Variants in SASH1 observed in about 807,000 individuals in gnomAD.
SASH1 encodes the protein SAM and SH3 domain containing 1, also known as SAM and SH3 domain-containing protein 1.
A neutral mutation model predicts 125.2 loss-of-function variants in SASH1; 44 were observed. The observed-to-expected ratio is 0.35, with a 90% confidence interval of 0.28 to 0.45. The LOEUF (loss-of-function observed/expected upper bound fraction) is 0.45. SASH1 is among the 20% of genes least tolerant of loss of function. The pLI, the probability that SASH1 is intolerant of heterozygous loss-of-function variation, is 1.00. For synonymous variants in SASH1, 639 were observed against 649.1 expected (o/e 0.98, Z 0.24); for missense variants, 1,426 against 1,614.5 (o/e 0.88, Z 2.00).
At chr6:148,354,042 G>C (rs973890979) in intron 1 of SASH1, among the ~76,000 whole-genome samples, 14 of 152,092 alleles carry the variant, frequency 9.2e-5, no homozygotes, top group Admixed American at 3.9e-4. Flanking sequence ...GCATGGACCT[G>C]TAGTCCCAGC....
In SASH1 at chr6:148,468,571, A is replaced by G. The variant is rs755561384; in HGVS notation, c.413A>G (p.Glu138Gly). ...AACCCTCTTCATAAATCAAACTCAG[A>G]AGACAGCTCTGTAGGTCAGTACCAC... ...RKNPLHKSNS[E>G]DSSVGKGDWK... Residue 138 changes from glutamate to glycine, a missense_variant, in exon 5 of 20, where the codon GAA becomes GGA. Physicochemically the swap from Glu to Gly is moderately conservative, Grantham distance 98. Coordinates refer to ENST00000367467, the MANE Select transcript of SASH1 (RefSeq NM_015278.5). 2.5e-6 allele frequency: 4 copies of G among 1,608,304 alleles called. No individual in the cohort carries two copies. Among genetic ancestry groups the G allele is most frequent in the Non-Finnish European group, 3.4e-6 (4 of 1,175,548 alleles).
Position 148,328,087 on chromosome 6 carries a change from G to T in SASH1, n.74+55710G>T, listed in dbSNP as rs183838423. Among the ~76,000 whole-genome samples, 523 of 152,230 alleles carry T rather than the reference G, an allele frequency of 3.4e-3. 3 individuals are homozygous for T. Among genetic ancestry groups the T allele is most frequent in the African/African-American group, 0.012 (496 of 41,550 alleles). Reference sequence around the variant, plus strand: ...ACTTTGTTGCCTAGGCTGAAGTGCGGTGACTACTCACACATGCGATTAGAG... The same window carrying T: ...ACTTTGTTGCCTAGGCTGAAGTGCGTTGACTACTCACACATGCGATTAGAG... On this transcript the variant is annotated intron_variant and non_coding_transcript_variant, in intron 1 of 3. Transcript: ENST00000367469.
chr6:148,305,690 C>T (rs1780111024), intron 1 of SASH1, among the ~76,000 whole-genome samples: 1 of 150,542 alleles, frequency 6.6e-6, no homozygotes, highest in Non-Finnish European at 1.5e-5. Flanking sequence ...AGTCAGGATT[C>T]AGCATTTAAA....
chr6:148,233,479 G>A, the SASH1 span, among the ~76,000 whole-genome samples: 2 of 151,926 alleles, frequency 1.3e-5, no homozygotes, highest in South Asian at 2.1e-4. Context: ...TGTATATTGT[G>A]TATGTACTAT....
intron 1 of SASH1, among the ~76,000 whole-genome samples, chr6:148,286,663 C>T (rs1327093928): frequency 1.3e-5 from 2 of 152,110 alleles, no homozygotes; most frequent in African/African-American, 4.8e-5. Context: ...TATGTCCTAA[C>T]CCCCTCCTCT....
At chr6:148,462,467 C>T (rs932614047) in intron 4 of SASH1, among the ~76,000 whole-genome samples, 5 of 152,124 alleles carry the variant, frequency 3.3e-5, no homozygotes, top group African/African-American at 4.8e-5. Flanking sequence ...CTGGATGTAG[C>T]TTAGACTATT....
chr6:148,355,706 ACATT>A (rs1003442535), intron 1 of SASH1, among the ~76,000 whole-genome samples: 2 of 152,178 alleles, frequency 1.3e-5, no homozygotes, highest in African/African-American at 4.8e-5. Context: ...TAGAATGAAC[ACATT>A]CCTTAAACCT....
intron 1 of SASH1, among the ~76,000 whole-genome samples, chr6:148,288,361 A>G (rs928318593): frequency 1.3e-5 from 2 of 152,254 alleles, no homozygotes; most frequent in Admixed American, 1.3e-4. Flanking sequence ...TGGCAGAAAC[A>G]CAGGCTGTCT....
Position 148,445,654 on chromosome 6 carries a change from G to A in SASH1, c.386+5247G>A, listed in dbSNP as rs758480922. Among the ~76,000 whole-genome samples the A allele has an allele frequency of 7.9e-5, 12 of 151,842 alleles. No homozygotes were observed. The South Asian group carries it at 1.0e-3, about 13-fold the overall frequency. Reference sequence around the variant, plus strand: ...TTTTTCTTCTTTCTTTTTCTTTCCCGTCATAGCCTCAAAGTGGCTGCTGCA... The same window carrying A: ...TTTTTCTTCTTTCTTTTTCTTTCCCATCATAGCCTCAAAGTGGCTGCTGCA... On this transcript the variant is annotated intron_variant, in intron 4 of 19. Transcript: ENST00000367467.
chr6:148,522,416 T>C (rs1288339497), intron 10 of SASH1, among the ~76,000 whole-genome samples: 1 of 152,244 alleles, frequency 6.6e-6, no homozygotes, highest in African/African-American at 2.4e-5. Context: ...ATTCTCCTTG[T>C]CATATTTCTT....
chr6:148,220,786 C>T, the SASH1 span, among the ~76,000 whole-genome samples: 9,973 of 152,126 alleles, frequency 0.066, 434 homozygotes, highest in Non-Finnish European at 0.091. Flanking sequence ...TGGTGGCACG[C>T]GCCTGTAGTC....
Position 148,392,441 on chromosome 6 carries a change from T to C in SASH1, c.285+2179T>C, listed in dbSNP as rs78193609. Among the ~76,000 whole-genome samples the C allele has an allele frequency of 4.6e-5, 7 of 152,276 alleles. No homozygotes were observed. In the East Asian group the frequency reaches 1.4e-3, roughly 29 times the overall value. Reference sequence around the variant, plus strand: ...AACTAAGTAGGAACAGATAATTCTTTTGTTAATAATTATTTTTATGTTACA... The same window carrying C: ...AACTAAGTAGGAACAGATAATTCTTCTGTTAATAATTATTTTTATGTTACA... On this transcript the variant is annotated intron_variant, in intron 2 of 19. Coordinates refer to ENST00000367467, the MANE Select transcript of SASH1 (RefSeq NM_015278.5).
chr6:148,475,523 C>T (rs1036197586), intron 7 of SASH1, among the ~76,000 whole-genome samples: 1 of 152,156 alleles, frequency 6.6e-6, no homozygotes, highest in Non-Finnish European at 1.5e-5. Context: ...TTGATAATGA[C>T]GGTAATGCTA....
At chr6:148,213,739 A>G in the SASH1 span, among the ~76,000 whole-genome samples, 1 of 152,048 alleles carries the variant, frequency 6.6e-6, no homozygotes, top group African/African-American at 2.4e-5. Flanking sequence ...TCTGGTCTGT[A>G]TGTGCTTGGA....
chr6:148,537,263 G>A (rs1261812056), intron 16 of SASH1, among the ~76,000 whole-genome samples: 2 of 152,240 alleles, frequency 1.3e-5, no homozygotes, highest in East Asian at 1.9e-4. Context: ...AGTCAGACCC[G>A]TCCAGCCTCC....
At position 148,390,228 on chromosome 6, in the gene SASH1, T is replaced by C; in HGVS notation, c.251T>C (p.Leu84Pro). The C allele has an allele frequency of 6.2e-7, 1 of 1,612,612 alleles. No individual in the cohort carries two copies. Among genetic ancestry groups the C allele is most frequent in the Non-Finnish European group, 8.5e-7 (1 of 1,179,616 alleles). Reference sequence around the variant, plus strand: ...GACGTGTGCGAGAGGATGGAGGAGCTGCGGAAACGGCGGGTTTCCCAGGAC... The same window carrying C: ...GACGTGTGCGAGAGGATGGAGGAGCCGCGGAAACGGCGGGTTTCCCAGGAC... ...FSDVCERMEE[L>P]RKRRVSQDLE... Residue 84 changes from leucine (L) to proline (P), a missense_variant, in exon 2 of 20, where the codon CTG becomes CCG. Leu to Pro is a moderately conservative substitution (Grantham distance 98, BLOSUM62 -3). Transcript: ENST00000367467.
At chr6:148,521,909 A>G (rs7740213) in intron 10 of SASH1, among the ~76,000 whole-genome samples, 5,827 of 152,288 alleles carry the variant, frequency 0.038, 366 homozygotes, top group African/African-American at 0.13. Flanking sequence ...AAATTTCCCA[A>G]TCTGAGCACC....
At chr6:148,431,769 A>T in intron 2 of SASH1, among the ~76,000 whole-genome samples, 1 of 150,206 alleles carries the variant, frequency 6.7e-6, no homozygotes, top group African/African-American at 2.5e-5. Flanking sequence ...CAACGCTTGG[A>T]CTCCCAGAAC....
Position 148,544,837 on chromosome 6 carries a change from C to G in SASH1, c.3348+19C>G. ...TGATAAGGTATCAAAGGTCCTGGGC[C>G]CACCACGTTCACAGGCCTTTGTTTG... On this transcript the variant is annotated intron_variant, in intron 18 of 19. Transcript: ENST00000367467. This position sits in a 1 kb window ranked among gnomAD's most constrained non-coding sequence, Gnocchi z 6.4. 1 of 1,546,250 alleles carries G rather than the reference C, an allele frequency of 6.5e-7. No homozygotes were observed. The highest frequency in any genetic ancestry group is 8.7e-7 in the Non-Finnish European group (1 of 1,144,564).
Sources: gnomAD v4.1 joint callset for allele counts (sites outside exome capture counted in the v4.1 genomes callset) on GRCh38, gnomAD v4.1.1 for gene constraint, Gnocchi (gnomAD v3.1) non-coding constraint, MANE v1.5 for transcripts, NCBI Gene and HGNC (gene_info 2026-07-23, HGNC 2026-07-21) for gene names.